The following DYM variants were observed in gnomAD, a reference collection of about 807,000 sequenced individuals.
DYM encodes the protein dyggve-Melchior-Clausen syndrome protein.
A neutral mutation model predicts 93.1 loss-of-function variants in DYM; 78 were observed. The ratio of observed to expected loss-of-function variants is 0.84; its 90% CI spans 0.70 to 1.01. The LOEUF is 1.01. Among genes scored for constraint, DYM ranks in the 50% least tolerant of loss-of-function variants. DYM has a pLI of 0.00. For synonymous variants in DYM, 321 were observed against 319.7 expected (o/e 1.00, Z -0.04); for missense variants, 789 against 845.0 (o/e 0.93, Z 0.82).
intron 17 of DYM, among the ~76,000 whole-genome samples, chr18:49,076,873 C>A (rs1445181976): frequency 6.6e-6 from 1 of 152,190 alleles, no homozygotes; most frequent in African/African-American, 2.4e-5. Context: ...GCTCTTAAGT[C>A]TTCCTCAGAA....
chr18:49,247,018 G>A (rs1057154432), intron 13 of DYM, among the ~76,000 whole-genome samples: 14 of 152,194 alleles, frequency 9.2e-5, no homozygotes, highest in African/African-American at 2.9e-4. Context: ...CTATCTCTGC[G>A]TGGATGCTTG....
At chr18:49,085,606 C>CAT (rs2078438545) in intron 17 of DYM, among the ~76,000 whole-genome samples, 1 of 102,156 alleles carries the variant, frequency 9.8e-6, no homozygotes, top group African/African-American at 3.6e-5. Context: ...ACAACTGGTC[C>CAT]TTTTTTTTTT....
chr18:49,410,496 TATA>T (rs2072111866), intron 2 of DYM, among the ~76,000 whole-genome samples: 2 of 151,490 alleles, frequency 1.3e-5, no homozygotes, highest in Admixed American at 1.3e-4. Context: ...CAATTGGTTG[TATA>T]ATAACACCAC....
At chr18:49,088,156 T>C (rs1237502751) in intron 17 of DYM, among the ~76,000 whole-genome samples, 3 of 152,224 alleles carry the variant, frequency 2.0e-5, no homozygotes, top group African/African-American at 4.8e-5. Context: ...TTTGTTGCCA[T>C]TGCTTTTGGT....
intron 17 of DYM, among the ~76,000 whole-genome samples, chr18:49,071,017 CA>C (rs1318377901): frequency 6.6e-6 from 1 of 152,122 alleles, no homozygotes; most frequent in Non-Finnish European, 1.5e-5. Context: ...ATGTGCAGAC[CA>C]TTTATAAAGG....
intron 13 of DYM, among the ~76,000 whole-genome samples, chr18:49,236,640 C>T (rs2144604655): frequency 6.6e-6 from 1 of 152,156 alleles, no homozygotes; most frequent in South Asian, 2.1e-4. Context: ...GGGAAATAGG[C>T]AGGGGTAAAT....
intron 17 of DYM, among the ~76,000 whole-genome samples, chr18:49,052,878 T>C (rs1019521859): frequency 5.3e-5 from 8 of 152,320 alleles, no homozygotes; most frequent in Admixed American, 4.6e-4. Flanking sequence ...GGAATTCAGC[T>C]AGAACTGGCT....
intron 15 of DYM, among the ~76,000 whole-genome samples, chr18:49,152,767 T>C (rs1192418807): frequency 1.4e-4 from 22 of 152,180 alleles, no homozygotes; most frequent in Admixed American, 1.4e-3. Context: ...GTGGTGCATA[T>C]CCACAATGGA....
intron 8 of DYM, among the ~76,000 whole-genome samples, chr18:49,316,250 C>A (rs2061930762): frequency 6.6e-6 from 1 of 152,124 alleles, no homozygotes; most frequent in Non-Finnish European, 1.5e-5. Flanking sequence ...CCATTATACT[C>A]CAGGCTGGGT....
At chr18:49,379,598 C>A (rs2067845172) in intron 4 of DYM, 67 bp downstream of exon 4, 1 of 1,278,508 alleles carries the variant, frequency 7.8e-7, no homozygotes, top group South Asian at 1.2e-5. Context: ...CCATTTCCAT[C>A]AATAAATGAA....
chr18:49,325,294 A>C (rs944294966), intron 8 of DYM, among the ~76,000 whole-genome samples: 4 of 152,236 alleles, frequency 2.6e-5, no homozygotes, highest in Non-Finnish European at 4.4e-5. Flanking sequence ...AATCCTTACC[A>C]GGCTTCCAGC....
intron 17 of DYM, among the ~76,000 whole-genome samples, chr18:49,055,306 T>C (rs968701690): frequency 3.9e-5 from 6 of 152,126 alleles, no homozygotes; most frequent in Non-Finnish European, 7.4e-5. Context: ...CCTGTTCACC[T>C]GGGAAGCCTA....
intron 6 of DYM, among the ~76,000 whole-genome samples, chr18:49,355,901 A>C (rs1452448112): frequency 6.6e-6 from 1 of 152,188 alleles, no homozygotes; most frequent in Non-Finnish European, 1.5e-5. Flanking sequence ...AACCACTAGA[A>C]CAGGTGAGAA....
Position 49,105,409 on chromosome 18 carries a change from C to T in DYM, c.1912-7894G>A, listed in dbSNP as rs528885787. ...GGGTTTTTTGTGTCTCTATCTCCTT[C>T]AGTTCTGCTCTGCTCTTAGTTATTT... On this transcript the variant is annotated intron_variant, in intron 16 of 17. Transcript: ENST00000675505. Among the ~76,000 whole-genome samples the T allele has an allele frequency of 7.0e-4, 107 of 152,274 alleles. 2 individuals carry two copies. In the South Asian group the frequency reaches 0.021, roughly 30 times the overall value.
chr18:49,070,374 G>A (rs1254252960), intron 17 of DYM, among the ~76,000 whole-genome samples: 2 of 152,166 alleles, frequency 1.3e-5, no homozygotes, highest in African/African-American at 4.8e-5. Flanking sequence ...CAGTGAAGGT[G>A]AAATAACTTG....
intron 3 of DYM, among the ~76,000 whole-genome samples, chr18:49,384,192 G>A (rs1280222775): frequency 7.2e-5 from 11 of 151,742 alleles, no homozygotes; most frequent in African/African-American, 1.9e-4. Context: ...GTGTGGTTGC[G>A]CATGCCTATG....
chr18:49,394,786 G>A (rs1244940375), intron 2 of DYM, among the ~76,000 whole-genome samples: 1 of 151,890 alleles, frequency 6.6e-6, no homozygotes, highest in Non-Finnish European at 1.5e-5. Flanking sequence ...AATAGCTACT[G>A]TAAATGTATT....
intron 14 of DYM, among the ~76,000 whole-genome samples, chr18:49,189,394 T>A (rs1047198539): frequency 6.6e-6 from 1 of 152,154 alleles, no homozygotes; most frequent in African/African-American, 2.4e-5. Flanking sequence ...CTTTCATAGT[T>A]CTGGCCAAAC....
At chr18:49,353,812 G>A (rs1020018299) in intron 6 of DYM, among the ~76,000 whole-genome samples, 3 of 151,880 alleles carry the variant, frequency 2.0e-5, no homozygotes, top group African/African-American at 7.2e-5. Flanking sequence ...CTATATTCAT[G>A]GATAGAAAGA....
Sources: allele counts gnomAD v4.1 joint callset (sites outside exome capture counted in the v4.1 genomes callset), GRCh38; gene constraint gnomAD v4.1.1; transcripts MANE v1.5; gene names NCBI Gene and HGNC (gene_info 2026-07-23, HGNC 2026-07-21).